CCSER1: variants seen among roughly 807,000 people sequenced by gnomAD.
The protein encoded by CCSER1 is serine-rich coiled-coil domain-containing protein 1.
CCSER1 carries 41 observed loss-of-function variants against 82.0 expected under a neutral mutation model. The ratio of observed to expected loss-of-function variants is 0.50; its 90% confidence interval spans 0.39 to 0.65. The LOEUF (loss-of-function observed/expected upper bound fraction) is 0.65, where lower values mean the gene tolerates loss of function less well. CCSER1 is among the 30% of genes least tolerant of loss of function. The pLI is 0.00. For synonymous variants in CCSER1, 414 were observed against 383.9 expected (o/e 1.08, Z -0.92); for missense variants, 1,119 against 1,064.2 (o/e 1.05, Z -0.72).
intron 3 of CCSER1, among the ~76,000 whole-genome samples, chr4:90,359,364 C>G: frequency 6.6e-6 from 1 of 152,242 alleles, no homozygotes; most frequent in African/African-American, 2.4e-5. Context: ...GAGTATACCT[C>G]TTTCATTTAT....
rs180725538 is a variant in CCSER1, at chr4:90,916,846, G to A, written c.2095-6524G>A. Among the ~76,000 whole-genome samples the A allele has an allele frequency of 1.6e-4, 24 of 152,202 alleles. No individual in the cohort carries two copies. The East Asian group carries it at 3.5e-3, about 22-fold the overall frequency. ...AAAATGAACAACCCCATCAAAAAGTGGGCAAAGGATATGAACAGACACTTC... is the reference window on the plus strand; with the variant it reads ...AAAATGAACAACCCCATCAAAAAGTAGGCAAAGGATATGAACAGACACTTC... On this transcript the variant is annotated intron_variant, in intron 8 of 10. Coordinates refer to ENST00000509176, the MANE Select transcript of CCSER1 (RefSeq NM_001145065.2).
At chr4:90,298,262 T>G (rs1210036095) in intron 1 of CCSER1, among the ~76,000 whole-genome samples, 1 of 152,196 alleles carries the variant, frequency 6.6e-6, no homozygotes, top group East Asian at 1.9e-4. Context: ...TTCTTCTAGA[T>G]TTTCTAGTTT....
chr4:90,766,627 C>T lies in CCSER1; in HGVS notation c.2010+42636C>T, dbSNP rs545153004. 1.4e-4 allele frequency among the ~76,000 whole-genome samples: 21 copies of T among 151,938 alleles called. No homozygotes were observed. The South Asian group carries it at 4.4e-3, about 32-fold the overall frequency. On this transcript the variant is annotated intron_variant, in intron 7 of 10. Coordinates refer to ENST00000509176, the MANE Select transcript of CCSER1 (RefSeq NM_001145065.2). ...CCACTGCTGGGTGACAAAGCAAGAA[C>T]CTGTTTCTAAAAAATAAAAAAATAT...
intron 10 of CCSER1, among the ~76,000 whole-genome samples, chr4:91,206,235 C>A (rs1015442888): frequency 6.6e-6 from 1 of 151,840 alleles, no homozygotes; most frequent in South Asian, 2.1e-4. Context: ...GTGTTTGCTC[C>A]ATCAAGAGAA....
chr4:90,797,996 T>C (rs1756271866), intron 7 of CCSER1, among the ~76,000 whole-genome samples: 1 of 152,200 alleles, frequency 6.6e-6, no homozygotes, highest in African/African-American at 2.4e-5. Flanking sequence ...GTTCTCTGCA[T>C]TTTATGAATT....
intron 10 of CCSER1, among the ~76,000 whole-genome samples, chr4:91,411,434 C>A (rs148153178): frequency 2.5e-4 from 33 of 134,036 alleles, no homozygotes; most frequent in Admixed American, 7.2e-4. Context: ...TTATCTGATA[C>A]CACCTTCCAG....
chr4:91,551,828 T>C (rs1762174713), intron 10 of CCSER1, among the ~76,000 whole-genome samples: 1 of 151,680 alleles, frequency 6.6e-6, no homozygotes, highest in Non-Finnish European at 1.5e-5. Context: ...TTTTGCATGT[T>C]TTATTGAGAT....
intron 8 of CCSER1, among the ~76,000 whole-genome samples, chr4:90,822,511 G>A (rs888661676): frequency 6.6e-6 from 1 of 152,080 alleles, no homozygotes; most frequent in Non-Finnish European, 1.5e-5. Context: ...GGCGAATCAC[G>A]AGGTCAGGAG....
At chr4:90,589,874 A>G (rs534324310) in intron 5 of CCSER1, among the ~76,000 whole-genome samples, 11 of 152,318 alleles carry the variant, frequency 7.2e-5, no homozygotes, top group African/African-American at 2.4e-4. Context: ...GTATTTTGTT[A>G]GTTACTATTT....
chr4:90,465,617 G>A (rs539550708), intron 4 of CCSER1, among the ~76,000 whole-genome samples: 2 of 152,018 alleles, frequency 1.3e-5, no homozygotes, highest in African/African-American at 4.8e-5. Flanking sequence ...AATTAATCAC[G>A]GGGAGACAAG....
intron 9 of CCSER1, among the ~76,000 whole-genome samples, chr4:91,076,179 T>C (rs1359795200): frequency 6.6e-6 from 1 of 152,162 alleles, no homozygotes; most frequent in East Asian, 1.9e-4. Flanking sequence ...CTCAAATTCT[T>C]GTCATCAGAT....
intron 3 of CCSER1, among the ~76,000 whole-genome samples, chr4:90,380,890 C>G (rs1481249918): frequency 1.3e-5 from 2 of 152,118 alleles, no homozygotes; most frequent in Non-Finnish European, 2.9e-5. Flanking sequence ...AGCTTATAGT[C>G]CAATCAGGGA....
intron 10 of CCSER1, among the ~76,000 whole-genome samples, chr4:91,553,378 T>C (rs1247512872): frequency 6.6e-6 from 1 of 151,524 alleles, no homozygotes. Context: ...AATGTTCTTG[T>C]CTGGCTATGG....
At chr4:91,230,571 A>G (rs1178339940) in intron 10 of CCSER1, among the ~76,000 whole-genome samples, 1 of 152,094 alleles carries the variant, frequency 6.6e-6, no homozygotes, top group Non-Finnish European at 1.5e-5. Context: ...TTTAAGAAAT[A>G]GAAGTCATAA....
At chr4:90,761,185 G>A (rs16996231) in intron 7 of CCSER1, among the ~76,000 whole-genome samples, 39,560 of 151,898 alleles carry the variant, frequency 0.26, 5,857 homozygotes, top group East Asian at 0.34. Flanking sequence ...TTCTCTATTA[G>A]ACTCCCTACC....
chr4:90,991,262 G>T (rs565021236), intron 9 of CCSER1, among the ~76,000 whole-genome samples: 1 of 151,618 alleles, frequency 6.6e-6, no homozygotes, highest in East Asian at 1.9e-4. Flanking sequence ...TTATCAATTT[G>T]TATTAATTTT....
At position 90,706,639 on chromosome 4, in the gene CCSER1, A is replaced by C. The variant is rs751728524; in HGVS notation, c.1933-17275A>C. Among the ~76,000 whole-genome samples the C allele has an allele frequency of 2.0e-5, 3 of 152,308 alleles. No individual in the cohort carries two copies. The East Asian group carries it at 5.8e-4, about 29-fold the overall frequency. On this transcript the variant is annotated intron_variant, in intron 6 of 10. Coordinates refer to ENST00000509176, the MANE Select transcript of CCSER1 (RefSeq NM_001145065.2). ...CTTGAGAGCTTGAGAGAATTTGGACAAGGAAAAATTACAGAAAATGAAGTA... is the reference window on the plus strand; with the variant it reads ...CTTGAGAGCTTGAGAGAATTTGGACCAGGAAAAATTACAGAAAATGAAGTA...
Position 91,113,846 on chromosome 4 carries a change from C to T in CCSER1, c.2217+27852C>T, listed in dbSNP as rs527585973. On this transcript the variant is annotated intron_variant, in intron 10 of 10. Coordinates refer to ENST00000509176, the MANE Select transcript of CCSER1 (RefSeq NM_001145065.2). ...TTTTTTGCAATTTAGCATTTGATAT[C>T]TACATTTTTTTTTTTTTCTTTTTTG... 7.9e-3 allele frequency among the ~76,000 whole-genome samples: 1,125 copies of T among 141,512 alleles called. 17 individuals carry two copies. The highest frequency in any genetic ancestry group is 0.028 in the African/African-American group (1,079 of 38,854). 92.8% of individuals were successfully genotyped at this position (141,512 alleles called of 152,430 possible). A position where few individuals can be genotyped will look rare whatever the true frequency, so the allele number is the denominator to read the frequency against.
chr4:90,226,701 A>G lies in CCSER1; in HGVS notation c.-41-81543A>G, dbSNP rs563106816. Reference sequence around the variant, plus strand: ...GGCTTTGGCTTTCCACCTTGTTGAGATACGTGACTGTTGTGGAGGTGTGCT... The same window carrying G: ...GGCTTTGGCTTTCCACCTTGTTGAGGTACGTGACTGTTGTGGAGGTGTGCT... On this transcript the variant is annotated intron_variant, in intron 1 of 10. Coordinates refer to ENST00000509176, the MANE Select transcript of CCSER1 (RefSeq NM_001145065.2). Among the ~76,000 whole-genome samples, 3 of 152,298 alleles carry G rather than the reference A, an allele frequency of 2.0e-5. No homozygotes were observed. In the East Asian group the frequency reaches 5.8e-4, roughly 29 times the overall value.
Sources: gnomAD v4.1 joint callset for allele counts (sites outside exome capture counted in the v4.1 genomes callset) on GRCh38, gnomAD v4.1.1 for gene constraint, MANE v1.5 for transcripts, NCBI Gene and HGNC (gene_info 2026-07-23, HGNC 2026-07-21) for gene names.